The following DMD variants were observed in gnomAD, a reference collection of about 807,000 sequenced individuals.
DMD encodes the protein mutant dystrophin.
In DMD, 63 loss-of-function variants were observed where a neutral mutation model predicts 330.1. The observed-to-expected ratio is 0.19, with a 90% CI of 0.16 to 0.24. The LOEUF is 0.24. Ranked by LOEUF, DMD falls within the 10% of genes least tolerant of loss-of-function variation. The probability of loss-of-function intolerance (pLI) is 1.00; values close to 1 mark genes in which losing one functional copy is unlikely to be tolerated. For missense variants in DMD, 3,344 were observed against 2,684.1 expected (o/e 1.25, Z -5.43); for synonymous variants, 1,223 against 959.8 (o/e 1.27, Z -5.07).
intron 29 of DMD, among the ~76,000 whole-genome samples, chrX:32,421,435 T>C (rs1308132230): frequency 9.6e-6 from 1 of 104,530 alleles, no homozygotes; most frequent in African/African-American, 3.6e-5. Context: ...ACATGGTGTA[T>C]GGAACAGCTG....
chrX:32,257,344 A>G (rs5927067), intron 43 of DMD, among the ~76,000 whole-genome samples: 48,951 of 110,355 alleles, frequency 0.44, 7,965 homozygotes, highest in Middle Eastern at 0.55. Flanking sequence ...ACCAAAAAAG[A>G]GCTTGTATAG....
intron 34 of DMD, among the ~76,000 whole-genome samples, chrX:32,374,463 CTTGAG>C (rs1569560212): frequency 9.0e-6 from 1 of 111,554 alleles, no homozygotes. Context: ...TTTAATCCAT[CTTGAG>C]TTAATTTTTG....
intron 55 of DMD, among the ~76,000 whole-genome samples, chrX:31,614,094 T>C (rs1200569541): frequency 8.9e-6 from 1 of 112,379 alleles, no homozygotes; most frequent in South Asian, 3.7e-4. Flanking sequence ...TAAAACTGCA[T>C]TGCACAGCCA....
At chrX:32,445,018 A>T (rs886802199) in intron 27 of DMD, among the ~76,000 whole-genome samples, 8 of 111,267 alleles carry the variant, frequency 7.2e-5, no homozygotes, top group Non-Finnish European at 1.5e-4. Context: ...CTGAGTTGAG[A>T]TATGGTAGGT....
chrX:32,746,538 T>G (rs2070038961), intron 7 of DMD, among the ~76,000 whole-genome samples: 1 of 111,560 alleles, frequency 9.0e-6, no homozygotes, highest in East Asian at 2.8e-4. Context: ...TCTCAGGGAG[T>G]GAGACCCAGA....
chrX:32,233,802 T>C (rs1268854955), intron 43 of DMD, among the ~76,000 whole-genome samples: 1 of 108,339 alleles, frequency 9.2e-6, no homozygotes, highest in African/African-American at 3.4e-5. Context: ...CTGGCTAATT[T>C]TGTATTTTAA....
intron 21 of DMD, among the ~76,000 whole-genome samples, chrX:32,478,286 T>A (rs1211265467): frequency 1.8e-5 from 2 of 111,791 alleles, no homozygotes; most frequent in Non-Finnish European, 3.8e-5. Flanking sequence ...GTGAAGAAGC[T>A]GAACTAATGA....
At chrX:31,483,085 C>G (rs189778130) in intron 57 of DMD, among the ~76,000 whole-genome samples, 106 of 86,982 alleles carry the variant, frequency 1.2e-3, no homozygotes, top group Non-Finnish European at 1.1e-3. Context: ...CTCGCTCTGT[C>G]GCCCAGGCTG....
chrX:32,650,711 A>G (rs773761355), intron 9 of DMD, among the ~76,000 whole-genome samples: 6 of 112,275 alleles, frequency 5.3e-5, no homozygotes, highest in Non-Finnish European at 1.1e-4. Flanking sequence ...GTAATTTTTA[A>G]TATAGATAGG....
At chrX:32,952,869 T>C (rs1194772766) in intron 2 of DMD, among the ~76,000 whole-genome samples, 1 of 110,482 alleles carries the variant, frequency 9.1e-6, no homozygotes, top group African/African-American at 3.3e-5. Flanking sequence ...GTGCGGTGGC[T>C]CACACCTGTA....
intron 62 of DMD, chrX:31,266,745 C>G: frequency 4.6e-6 from 5 of 1,087,451 alleles, no homozygotes; most frequent in Admixed American, 2.4e-5. Context: ...CAGCTTGCCC[C>G]CTGCTCGCGC....
At chrX:31,879,162 G>A (rs2094014746) in intron 47 of DMD, among the ~76,000 whole-genome samples, 1 of 103,244 alleles carries the variant, frequency 9.7e-6, no homozygotes, top group African/African-American at 3.5e-5. Flanking sequence ...CTGAGACTGG[G>A]TGATTTATAA....
rs1361834197 is a variant in DMD, at chrX:31,180,412, T to C, written c.10044A>G (p.Lys3348=). The C allele has an allele frequency of 8.3e-7, 1 of 1,210,620 alleles. No individual in the cohort carries two copies. Among genetic ancestry groups the C allele is most frequent in the Admixed American group, 2.2e-5 (1 of 46,010 alleles). The change falls in exon 69 of 79, where the codon AAA becomes AAG. Residue 3348 remains lysine (K), a synonymous_variant. Transcript: ENST00000357033. ...CCATGGGATAGTGCATTTTATGGCC[T>C]TTTGCAACTCGACCAGAAAAAAAGC... ...QSCFFSGRVA[K]GHKMHYPMVE... is the part of the protein sequence containing the mutation.
At chrX:32,543,901 G>A (rs957850195) in intron 17 of DMD, among the ~76,000 whole-genome samples, 4 of 112,080 alleles carry the variant, frequency 3.6e-5, no homozygotes, top group African/African-American at 6.5e-5. Context: ...GTTGTAATGC[G>A]AAAGTAATCA....
At chrX:31,152,807 T>C (rs775412897) in intron 74 of DMD, among the ~76,000 whole-genome samples, 70 of 112,924 alleles carry the variant, frequency 6.2e-4, no homozygotes, top group African/African-American at 1.9e-3. Context: ...CCCAAAGTGA[T>C]AGGATTACAG....
At chrX:32,803,820 A>C (rs1001413880) in intron 7 of DMD, among the ~76,000 whole-genome samples, 2 of 111,548 alleles carry the variant, frequency 1.8e-5, no homozygotes, top group Admixed American at 1.9e-4. Flanking sequence ...GTGATCTGAG[A>C]GGCTGTTATG....
chrX:32,312,257 G>A (rs1048698801), intron 41 of DMD, among the ~76,000 whole-genome samples: 3 of 110,637 alleles, frequency 2.7e-5, no homozygotes, highest in African/African-American at 9.8e-5. Context: ...AAAAGCAGTG[G>A]GAATTCAGAA....
chrX:31,140,050 G>C (rs2035847487), intron 76 of DMD, among the ~76,000 whole-genome samples: 1 of 112,082 alleles, frequency 8.9e-6, no homozygotes, highest in Non-Finnish European at 1.9e-5. Context: ...GAAAAAAGAA[G>C]TGGGATGACT....
chrX:32,518,489 A>T (rs2046085733), intron 17 of DMD, among the ~76,000 whole-genome samples: 1 of 110,533 alleles, frequency 9.0e-6, no homozygotes, highest in Non-Finnish European at 1.9e-5. Context: ...AGAAAAAAAA[A>T]ATTCCTGTTG....
Sources: allele counts gnomAD v4.1 joint callset (sites outside exome capture counted in the v4.1 genomes callset), GRCh38; gene constraint gnomAD v4.1.1; transcripts MANE v1.5; gene names NCBI Gene and HGNC (gene_info 2026-07-23, HGNC 2026-07-21).